ISM1: variants seen among roughly 807,000 people sequenced by gnomAD.
ISM1 encodes isthmin-1.
In ISM1, 25 loss-of-function variants were observed where a neutral mutation model predicts 46.3. The observed-to-expected ratio is 0.54, with a 90% CI of 0.39 to 0.75. The LOEUF is 0.75. Among genes scored for constraint, ISM1 ranks in the 30% least tolerant of loss-of-function variants. The pLI, the probability that ISM1 is intolerant of heterozygous loss-of-function variation, is 0.00. For synonymous variants in ISM1, 255 were observed against 256.7 expected (o/e 0.99, Z 0.06); for missense variants, 536 against 625.4 (o/e 0.86, Z 1.52).
the ISM1 span, among the ~76,000 whole-genome samples, chr20:13,311,005 C>T: frequency 1.3e-5 from 2 of 152,254 alleles, no homozygotes; most frequent in African/African-American, 2.4e-5. Context: ...ACCAACCTGG[C>T]CATCATGGTG....
At chr20:13,225,885 T>C (rs1180753857) in intron 1 of ISM1, among the ~76,000 whole-genome samples, 12 of 152,172 alleles carry the variant, frequency 7.9e-5, no homozygotes, top group Admixed American at 7.8e-4. Flanking sequence ...GATATGGATA[T>C]AGATATAGAT....
At position 13,244,396 on chromosome 20, in the gene ISM1, A is replaced by AG. The variant is rs1334547558; in HGVS notation, c.138+22482_138+22483insG. ...TAGAAGATGTCCTATGCAAAAAAAA[A>AG]AAAAACCAGCATAAGCTAATGAAAA... On this transcript the variant is annotated intron_variant, in intron 1 of 5. Coordinates refer to ENST00000262487, the MANE Select transcript of ISM1 (RefSeq NM_080826.2). 5 of 152,100 alleles carry AG rather than the reference A, an allele frequency of 3.3e-5. No homozygotes were observed. The South Asian group carries it at 1.0e-3, about 32-fold the overall frequency. The allele number at this position is 152,100 out of a possible 1,614,324, so 9.4% of individuals were successfully genotyped here. A position where few individuals can be genotyped will look rare whatever the true frequency, so the allele number is the denominator to read the frequency against.
chr20:13,297,182 C>T (rs888953861), intron 5 of ISM1, among the ~76,000 whole-genome samples: 3 of 152,152 alleles, frequency 2.0e-5, no homozygotes, highest in African/African-American at 7.2e-5. Flanking sequence ...GGGGAAAGGG[C>T]GTTCTTTGCA....
intron 5 of ISM1, among the ~76,000 whole-genome samples, chr20:13,295,748 T>G (rs1472813858): frequency 1.3e-5 from 2 of 152,192 alleles, no homozygotes; most frequent in African/African-American, 4.8e-5. Context: ...TGACTGGGAA[T>G]CCCAGCAAAA....
chr20:13,305,520 A>G (rs144152269), downstream of ISM1, among the ~76,000 whole-genome samples: 58 of 152,274 alleles, frequency 3.8e-4, no homozygotes, highest in African/African-American at 1.2e-3. Flanking sequence ...ACAATTTCCA[A>G]TGGAAAAATG....
chr20:13,244,701 C>A (rs1005350716), intron 1 of ISM1, among the ~76,000 whole-genome samples: 1 of 152,168 alleles, frequency 6.6e-6, no homozygotes, highest in Admixed American at 6.5e-5. Flanking sequence ...CAGGTTTTGA[C>A]CACATTTTCT....
rs2123342744 is a variant in ISM1 at position 13,300,534 on chromosome 20, A to C, written c.*1075A>C. On this transcript the variant is annotated 3_prime_UTR_variant, in exon 6 of 6. Coordinates refer to ENST00000262487, the MANE Select transcript of ISM1 (RefSeq NM_080826.2). ...GATTATTGTGCATCAAGCAATTGTTAATATGACCTGGTCCTATGGGGTAGA... is the reference window on the plus strand; with the variant it reads ...GATTATTGTGCATCAAGCAATTGTTCATATGACCTGGTCCTATGGGGTAGA... The C allele has an allele frequency of 6.6e-6, 1 of 152,338 alleles. No individual in the cohort carries two copies. Among genetic ancestry groups the C allele is most frequent in the Middle Eastern group, 3.4e-3 (1 of 294 alleles). The allele number at this position is 152,338 out of a possible 1,614,324, so 9.4% of individuals were successfully genotyped here. A position where few individuals can be genotyped will look rare whatever the true frequency, so the allele number is the denominator to read the frequency against.
At chr20:13,305,542 C>A (rs1470372158), downstream of ISM1, among the ~76,000 whole-genome samples, 1 of 152,084 alleles carries the variant, frequency 6.6e-6, no homozygotes, top group Non-Finnish European at 1.5e-5. Flanking sequence ...GTGGGTCGTC[C>A]CATTATGCCT....
the ISM1 span, among the ~76,000 whole-genome samples, chr20:13,308,411 G>A: frequency 3.2e-4 from 49 of 152,132 alleles, 1 homozygote; most frequent in Middle Eastern, 6.8e-3. Flanking sequence ...TTGGCAAGGC[G>A]ATGAGGAAAC....
At chr20:13,316,634 T>C in the ISM1 span, among the ~76,000 whole-genome samples, 3 of 151,596 alleles carry the variant, frequency 2.0e-5, no homozygotes, top group African/African-American at 7.3e-5. Flanking sequence ...TGGCTCAACA[T>C]GTGAAAATTA....
intron 1 of ISM1, among the ~76,000 whole-genome samples, chr20:13,243,514 C>T (rs73901617): frequency 0.012 from 1,899 of 152,284 alleles, 42 homozygotes; most frequent in African/African-American, 0.043. Context: ...CAGTGTTCCA[C>T]ACTTAGGGCT....
intron 2 of ISM1, among the ~76,000 whole-genome samples, chr20:13,274,101 A>G (rs1474250195): frequency 6.6e-6 from 1 of 151,898 alleles, no homozygotes; most frequent in African/African-American, 2.4e-5. Context: ...GCATGCACAC[A>G]AACACACCCA....
chr20:13,258,132 C>T (rs1479899631), intron 1 of ISM1, among the ~76,000 whole-genome samples: 2 of 152,122 alleles, frequency 1.3e-5, no homozygotes, highest in Non-Finnish European at 2.9e-5. Flanking sequence ...CCCAAACATT[C>T]CGTTTACCTC....
intron 3 of ISM1, among the ~76,000 whole-genome samples, 188 bp from the exon 4 acceptor site, chr20:13,288,352 C>T (rs535568724): frequency 1.2e-4 from 18 of 152,226 alleles, no homozygotes; most frequent in Non-Finnish European, 2.2e-4. Flanking sequence ...AACCTCCTTG[C>T]TGTCACAAAG....
intron 1 of ISM1, among the ~76,000 whole-genome samples, chr20:13,269,424 AC>A (rs1271350795): frequency 6.6e-6 from 1 of 152,126 alleles, no homozygotes; most frequent in Admixed American, 6.5e-5. Context: ...TCAGTATAAA[AC>A]CATTAGATTT....
In ISM1 at chr20:13,222,408, A is replaced by G. The variant is rs911256763; in HGVS notation, c.138+494A>G. On this transcript the variant is annotated intron_variant, in intron 1 of 5. Transcript: ENST00000262487. The stretch of plus-strand genomic sequence containing the variant: ...GCCAAAGGTCAGGACATAATTTCCC[A>G]AGGAGAATAGCCAGGCATCCCCTCC... Among the ~76,000 whole-genome samples the G allele has an allele frequency of 4.6e-5, 7 of 152,130 alleles. No individual in the cohort carries two copies. The South Asian group carries it at 1.5e-3, about 32-fold the overall frequency.
intron 1 of ISM1, among the ~76,000 whole-genome samples, chr20:13,259,112 G>A (rs560748877): frequency 9.2e-5 from 14 of 152,014 alleles, no homozygotes; most frequent in Admixed American, 3.3e-4. Flanking sequence ...GTGAAACCCC[G>A]TCTCTACTAA....
intron 1 of ISM1, among the ~76,000 whole-genome samples, chr20:13,242,132 G>A (rs1310273874): frequency 1.3e-5 from 2 of 152,182 alleles, no homozygotes; most frequent in Admixed American, 1.3e-4. Context: ...AAAAGGTCTA[G>A]GGAAGAGGGT....
At chr20:13,322,501 G>C in the ISM1 span, among the ~76,000 whole-genome samples, 1 of 152,142 alleles carries the variant, frequency 6.6e-6, no homozygotes. Flanking sequence ...TGGACCAGAC[G>C]AGGTCCATAT....
Sources: gnomAD v4.1 joint callset for allele counts (sites outside exome capture counted in the v4.1 genomes callset) on GRCh38, gnomAD v4.1.1 for gene constraint, MANE v1.5 for transcripts, NCBI Gene and HGNC (gene_info 2026-07-23, HGNC 2026-07-21) for gene names.